Variants in HSPA12A observed in about 807,000 individuals in gnomAD.
HSPA12A encodes the protein heat shock 70 kDa protein 12A.
Under a neutral mutation model 69.2 loss-of-function variants are expected in HSPA12A, and 28 were observed. The ratio of observed to expected loss-of-function variants is 0.40; its 90% confidence interval spans 0.30 to 0.55. HSPA12A has a LOEUF of 0.55. HSPA12A is among the 20% of genes least tolerant of loss of function. HSPA12A has a pLI of 0.38. For synonymous variants in HSPA12A, 345 were observed against 370.5 expected, an observed-to-expected ratio of 0.93 and a Z score of 0.79; for missense variants, 686 against 900.7, an observed-to-expected ratio of 0.76 and a Z score of 3.05.
intron 2 of HSPA12A, among the ~76,000 whole-genome samples, chr10:116,796,140 T>C (rs1589711608): frequency 2.7e-5 from 2 of 72,960 alleles, no homozygotes; most frequent in African/African-American, 9.7e-5. Context: ...TGAGCAAGAC[T>C]CCATCAAAAA....
chr10:116,779,908 G>A (rs1554891604), intron 2 of HSPA12A, among the ~76,000 whole-genome samples: 1 of 152,080 alleles, frequency 6.6e-6, no homozygotes, highest in Non-Finnish European at 1.5e-5. Flanking sequence ...CCACTCCCTA[G>A]GGGACTGCAG....
chr10:116,804,152 C>T (rs888301212), intron 2 of HSPA12A, among the ~76,000 whole-genome samples: 7 of 152,246 alleles, frequency 4.6e-5, no homozygotes, highest in Admixed American at 3.9e-4. Flanking sequence ...CCTCCTCCCT[C>T]CAAAAAAACG....
Position 116,742,419 on chromosome 10 carries a change from C to A in HSPA12A, c.40+11G>T. On this transcript the variant is annotated intron_variant, in intron 1 of 11. Coordinates refer to ENST00000369209, the MANE Select transcript of HSPA12A (RefSeq NM_025015.3). ...CCAGCCGCGGCCGCAGGACCCGCAG[C>A]CTGCGCTCACCTCGGGGCCCGTCGC... 1 of 1,434,222 alleles carries A rather than the reference C, an allele frequency of 7.0e-7. No homozygotes were observed. Among genetic ancestry groups the A allele is most frequent in the Non-Finnish European group, 9.1e-7 (1 of 1,095,596 alleles). The allele number at this position is 1,434,222 out of a possible 1,614,324, so 88.8% of individuals were successfully genotyped here.
chr10:116,751,836 C>T (rs1851782596), intron 2 of HSPA12A, among the ~76,000 whole-genome samples: 1 of 152,128 alleles, frequency 6.6e-6, no homozygotes, highest in African/African-American at 2.4e-5. Flanking sequence ...AGTTCACTGA[C>T]TCCTCCTCTG....
chr10:116,846,478 T>C (rs1845887386), intron 1 of HSPA12A, among the ~76,000 whole-genome samples: 1 of 151,892 alleles, frequency 6.6e-6, no homozygotes, highest in South Asian at 2.1e-4. Flanking sequence ...GCCTCCCGAG[T>C]AGCTGGGACC....
intron 2 of HSPA12A, among the ~76,000 whole-genome samples, chr10:116,781,790 G>A (rs961871336): frequency 2.6e-5 from 4 of 152,144 alleles, no homozygotes; most frequent in African/African-American, 9.7e-5. Context: ...GGTTGGGTAG[G>A]GGGTGTCCTC....
intron 2 of HSPA12A, among the ~76,000 whole-genome samples, chr10:116,798,061 G>GGGCAA (rs1048334312): frequency 1.3e-5 from 2 of 151,544 alleles, no homozygotes; most frequent in Non-Finnish European, 2.9e-5. Context: ...GAGAGAGGCA[G>GGGCAA]GGGCTGGGAC....
rs1235858708 is a variant in HSPA12A, at chr10:116,681,275, T to C, written c.923-19A>G. ...TTATCACCTGGCACAAAAACAGCCA[T>C]CTTTTACACAGACTGTTTGCCAACC... On this transcript the variant is annotated intron_variant, in intron 8 of 11. Transcript: ENST00000369209. 13 of 1,599,646 alleles carry C rather than the reference T, an allele frequency of 8.1e-6. No homozygotes were observed. In the African/African-American group the frequency reaches 1.6e-4, roughly 20 times the overall value.
rs371747711 is a variant in HSPA12A, at chr10:116,753,163, G to A, written c.92-45878C>T. Among the ~76,000 whole-genome samples the A allele has an allele frequency of 1.5e-4, 23 of 152,342 alleles. 1 individual carries two copies. Among genetic ancestry groups the A allele is most frequent in the African/African-American group, 3.4e-4 (14 of 41,582 alleles). On this transcript the variant is annotated intron_variant, in intron 2 of 12. Coordinates refer to the HSPA12A transcript ENST00000635765. ...ATGCCCTGTTGTTTCACAGCCTGGC[G>A]CTGGCATGCTGGTATGCTGGCACAA...
At position 116,701,195 on chromosome 10, in the gene HSPA12A, T is replaced by G. The variant is rs181430946; in HGVS notation, c.255-66A>C. On this transcript the variant is annotated intron_variant, in intron 3 of 11. Coordinates refer to ENST00000369209, the MANE Select transcript of HSPA12A (RefSeq NM_025015.3). ...AAATCCCAATTCAGGCAGCACAGAT[T>G]TGAACACCTACTGTATGCATGAGTG... The G allele has an allele frequency of 5.2e-5, 77 of 1,479,108 alleles. 2 individuals carry two copies. In the East Asian group the frequency reaches 1.7e-3, roughly 33 times the overall value. The allele number at this position is 1,479,108 out of a possible 1,614,324, so 91.6% of individuals were successfully genotyped here.
At chr10:116,786,999 C>T (rs1386831305) in intron 2 of HSPA12A, among the ~76,000 whole-genome samples, 1 of 76,066 alleles carries the variant, frequency 1.3e-5, no homozygotes, top group East Asian at 3.3e-4. Flanking sequence ...CACACACACA[C>T]ACACACACAT....
chr10:116,689,799 GAAAA>G (rs59745092), intron 6 of HSPA12A, among the ~76,000 whole-genome samples: 34 of 146,996 alleles, frequency 2.3e-4, no homozygotes, highest in East Asian at 1.2e-3. Context: ...AAAGGCAGGG[GAAAA>G]AAAAAAAAAA....
chr10:116,785,190 T>TCCCACCC (rs1554892211), intron 2 of HSPA12A, among the ~76,000 whole-genome samples: 1 of 152,002 alleles, frequency 6.6e-6, no homozygotes, highest in African/African-American at 2.4e-5. Context: ...CAGATTCCTT[T>TCCCACCC]CCTCCCCCTC....
chr10:116,844,320 T>C (rs1444693375), intron 1 of HSPA12A, among the ~76,000 whole-genome samples: 1 of 152,238 alleles, frequency 6.6e-6, no homozygotes, highest in Non-Finnish European at 1.5e-5. Flanking sequence ...TGGCTGGTTT[T>C]GTTATTACTA....
At position 116,702,911 on chromosome 10, in the gene HSPA12A, T is replaced by C. The variant is rs151230479; in HGVS notation, c.255-1782A>G. 6.6e-3 allele frequency among the ~76,000 whole-genome samples: 1,009 copies of C among 152,336 alleles called. 11 individuals are homozygous for C. Among genetic ancestry groups the C allele is most frequent in the African/African-American group, 0.023 (957 of 41,568 alleles). Reference sequence around the variant, plus strand: ...CTGAACTATGGTGGTGCTTCATAAGTACCCCTCCCCAAGCAAGTTCAAAGT... The same window carrying C: ...CTGAACTATGGTGGTGCTTCATAAGCACCCCTCCCCAAGCAAGTTCAAAGT... On this transcript the variant is annotated intron_variant, in intron 3 of 11. Coordinates refer to ENST00000369209, the MANE Select transcript of HSPA12A (RefSeq NM_025015.3).
rs1225972213 is a variant in HSPA12A at position 116,672,185 on chromosome 10, G to A, written c.*2596C>T. On this transcript the variant is annotated 3_prime_UTR_variant, in exon 12 of 12. Transcript: ENST00000369209. ...AAAAGCTGGGCTTATGTACCACTTG[G>A]TTTCTTTCTTTGACCCTAGCATCCT... 6.6e-6 allele frequency: 1 copy of A among 152,204 alleles called. No homozygotes were observed. Among genetic ancestry groups the A allele is most frequent in the African/African-American group, 2.4e-5 (1 of 41,426 alleles). The allele number at this position is 152,204 out of a possible 1,614,324, so 9.4% of individuals were successfully genotyped here. A position where few individuals can be genotyped will look rare whatever the true frequency, so the allele number is the denominator to read the frequency against.
At chr10:116,689,902 C>T (rs1244999444) in intron 6 of HSPA12A, among the ~76,000 whole-genome samples, 1 of 151,976 alleles carries the variant, frequency 6.6e-6, no homozygotes, top group Non-Finnish European at 1.5e-5. Context: ...AGGCCTTCAA[C>T]TGATTAGATG....
intron 2 of HSPA12A, chr10:116,831,800 A>C (rs2133210593): frequency 6.6e-6 from 1 of 152,276 alleles, no homozygotes; most frequent in Admixed American, 6.5e-5. Context: ...CTTTACCACT[A>C]ATCTCCTCCA....
intron 1 of HSPA12A, among the ~76,000 whole-genome samples, chr10:116,719,009 G>T (rs1261781936): frequency 6.6e-6 from 1 of 152,066 alleles, no homozygotes; most frequent in South Asian, 2.1e-4. Context: ...GAAGTGCAGT[G>T]GCCATGGACC....
Sources: gnomAD v4.1 joint callset for allele counts (sites outside exome capture counted in the v4.1 genomes callset) on GRCh38, gnomAD v4.1.1 for gene constraint, MANE v1.5 for transcripts, NCBI Gene and HGNC (gene_info 2026-07-23, HGNC 2026-07-21) for gene names.